The following ATRNL1 variants were observed in gnomAD, a reference collection of about 807,000 sequenced individuals.
The protein encoded by ATRNL1 is attractin like 1, also known as attractin-like protein 1.
ATRNL1 carries 95 observed loss-of-function variants against 182.7 expected under a neutral mutation model. The observed-to-expected ratio is 0.52, with a 90% CI of 0.44 to 0.62. The LOEUF is 0.62. ATRNL1 is among the 20% of genes least tolerant of loss of function. The probability of loss-of-function intolerance (pLI) is 0.00; values close to 1 mark genes in which losing one functional copy is unlikely to be tolerated. For synonymous variants in ATRNL1, 576 were observed against 568.3 expected (o/e 1.01, Z -0.19); for missense variants, 1,471 against 1,679.5 (o/e 0.88, Z 2.17).
intron 25 of ATRNL1, among the ~76,000 whole-genome samples, chr10:115,525,293 C>A (rs954139582): frequency 2.0e-5 from 3 of 152,134 alleles, no homozygotes; most frequent in Non-Finnish European, 4.4e-5. Context: ...GTGAGCCAAC[C>A]CCCTTGGCAG....
intron 1 of ATRNL1, among the ~76,000 whole-genome samples, chr10:115,097,880 C>T (rs182156218): frequency 2.4e-3 from 369 of 152,210 alleles, no homozygotes; most frequent in African/African-American, 8.3e-3. Context: ...GCATAGGTCG[C>T]GCAACTGCAC....
At chr10:115,832,166 G>C (rs1565419091) in intron 27 of ATRNL1, among the ~76,000 whole-genome samples, 1 of 152,146 alleles carries the variant, frequency 6.6e-6, no homozygotes, top group Non-Finnish European at 1.5e-5. Flanking sequence ...AGTTTCTGTA[G>C]AAAGGGGAAC....
At chr10:115,290,360 T>G (rs1282078919) in intron 15 of ATRNL1, among the ~76,000 whole-genome samples, 2 of 151,956 alleles carry the variant, frequency 1.3e-5, no homozygotes, top group African/African-American at 2.4e-5. Context: ...GGAGTGAAAT[T>G]AAGAGCAGAG....
intron 25 of ATRNL1, among the ~76,000 whole-genome samples, chr10:115,538,896 G>C (rs1194489964): frequency 1.3e-5 from 2 of 152,076 alleles, no homozygotes; most frequent in African/African-American, 2.4e-5. Flanking sequence ...TATGTTTACT[G>C]TACCTTTTCT....
chr10:115,107,734 C>T (rs1272457425), intron 1 of ATRNL1, among the ~76,000 whole-genome samples: 2 of 152,228 alleles, frequency 1.3e-5, no homozygotes, highest in Non-Finnish European at 1.5e-5. Context: ...GTCTGTGCAC[C>T]TGCAGAATTG....
At chr10:115,462,586 T>TG (rs1847867937) in intron 22 of ATRNL1, among the ~76,000 whole-genome samples, 1 of 152,096 alleles carries the variant, frequency 6.6e-6, no homozygotes, top group Non-Finnish European at 1.5e-5. Context: ...CACTCCAGCC[T>TG]GGCGACAGAG....
At chr10:115,563,765 G>T (rs1321597082) in intron 26 of ATRNL1, among the ~76,000 whole-genome samples, 3 of 151,892 alleles carry the variant, frequency 2.0e-5, no homozygotes, top group Admixed American at 6.6e-5. Flanking sequence ...CTGAATAATT[G>T]GCTTTCACAA....
chr10:115,727,181 C>A, intron 26 of ATRNL1, 67 bp from the exon 27 acceptor site: 1 of 1,083,182 alleles, frequency 9.2e-7, no homozygotes, highest in Non-Finnish European at 1.4e-6. Context: ...AAGAGGGAAC[C>A]AGATATTGTT....
chr10:115,620,873 G>A (rs1190173856), intron 26 of ATRNL1, among the ~76,000 whole-genome samples: 3 of 152,094 alleles, frequency 2.0e-5, no homozygotes, highest in African/African-American at 7.2e-5. Flanking sequence ...GTTCTGATCT[G>A]TAATCTTATC....
intron 28 of ATRNL1, among the ~76,000 whole-genome samples, chr10:115,854,377 C>G (rs1951129449): frequency 6.6e-6 from 1 of 152,144 alleles, no homozygotes; most frequent in Non-Finnish European, 1.5e-5. Context: ...TCACAGGTAC[C>G]CACTTAGAAT....
intron 14 of ATRNL1, among the ~76,000 whole-genome samples, chr10:115,281,734 G>GA (rs35366343): frequency 6.6e-6 from 1 of 150,974 alleles, no homozygotes; most frequent in Non-Finnish European, 1.5e-5. Flanking sequence ...CCTTTTCATC[G>GA]AAAAAAATCT....
At chr10:115,221,786 T>C (rs1849476621) in intron 9 of ATRNL1, among the ~76,000 whole-genome samples, 1 of 152,174 alleles carries the variant, frequency 6.6e-6, no homozygotes, top group Non-Finnish European at 1.5e-5. Context: ...CTACTCGTGA[T>C]AATTAGCCCA....
intron 28 of ATRNL1, among the ~76,000 whole-genome samples, chr10:115,885,397 C>T (rs1175425806): frequency 6.6e-6 from 1 of 152,158 alleles, no homozygotes; most frequent in African/African-American, 2.4e-5. Context: ...GCAAGTCTCA[C>T]GGTTTTTTTC....
chr10:115,442,260 AT>A (rs1554965868), intron 21 of ATRNL1, among the ~76,000 whole-genome samples: 3 of 65,318 alleles, frequency 4.6e-5, no homozygotes, highest in African/African-American at 8.3e-5. Context: ...CTTCATTTTC[AT>A]TTGTGTTTGC....
At chr10:115,560,095 A>G (rs759019413) in intron 26 of ATRNL1, among the ~76,000 whole-genome samples, 140 of 152,362 alleles carry the variant, frequency 9.2e-4, no homozygotes, top group Non-Finnish European at 1.7e-3. Context: ...TAGCAATGAA[A>G]AACCTGAAAG....
At chr10:115,908,079 A>T (rs1036845993) in intron 28 of ATRNL1, among the ~76,000 whole-genome samples, 1 of 152,166 alleles carries the variant, frequency 6.6e-6, no homozygotes. Context: ...TCTACTTCCT[A>T]CAAGAAACAG....
intron 27 of ATRNL1, among the ~76,000 whole-genome samples, chr10:115,823,798 A>G (rs1950359904): frequency 6.6e-6 from 1 of 152,180 alleles, no homozygotes. Flanking sequence ...AAATGGAAAA[A>G]CATTCCATGC....
chr10:115,200,516 T>A (rs1319743090), intron 8 of ATRNL1, among the ~76,000 whole-genome samples: 1 of 150,342 alleles, frequency 6.7e-6, no homozygotes, highest in Admixed American at 6.6e-5. Context: ...CTGAGAATGA[T>A]GATTTCCAAT....
chr10:115,901,705 G>A (rs1952356075), intron 28 of ATRNL1, among the ~76,000 whole-genome samples: 2 of 126,582 alleles, frequency 1.6e-5, no homozygotes, highest in South Asian at 5.4e-4. Context: ...TCTTAGTGAT[G>A]TTATTAGAAA....
Sources: gnomAD v4.1 joint callset for allele counts (sites outside exome capture counted in the v4.1 genomes callset) on GRCh38, gnomAD v4.1.1 for gene constraint, MANE v1.5 for transcripts, NCBI Gene and HGNC (gene_info 2026-07-23, HGNC 2026-07-21) for gene names.